The following PTPRJ variants were observed in gnomAD, a reference collection of about 807,000 sequenced individuals.
The protein encoded by PTPRJ is protein tyrosine phosphatase receptor type J, also known as receptor-type tyrosine-protein phosphatase eta.
Under a neutral mutation model 141.3 loss-of-function variants are expected in PTPRJ, and 129 were observed. The ratio of observed to expected loss-of-function variants is 0.91; its 90% confidence interval spans 0.79 to 1.06. The LOEUF (loss-of-function observed/expected upper bound fraction) is 1.06, where lower values mean the gene tolerates loss of function less well. Ranked by LOEUF, PTPRJ falls within the 50% of genes least tolerant of loss-of-function variation. PTPRJ has a pLI of 0.00. For synonymous variants in PTPRJ, 610 were observed against 640.5 expected, an observed-to-expected ratio of 0.95 and a Z score of 0.72; for missense variants, 1,601 against 1,679.7, an observed-to-expected ratio of 0.95 and a Z score of 0.82.
intron 1 of PTPRJ, among the ~76,000 whole-genome samples, chr11:48,049,285 G>A (rs1199918546): frequency 6.6e-6 from 1 of 152,072 alleles, no homozygotes; most frequent in Non-Finnish European, 1.5e-5. Context: ...TCCCCTGGGG[G>A]ACAAAATCTT....
chr11:48,069,664 G>A (rs1299556366), intron 1 of PTPRJ, among the ~76,000 whole-genome samples: 1 of 151,478 alleles, frequency 6.6e-6, no homozygotes, highest in Non-Finnish European at 1.5e-5. Flanking sequence ...TGTTAGCCAG[G>A]ATGGTCTTGA....
At chr11:48,117,681 A>G (rs1856605313) in intron 3 of PTPRJ, among the ~76,000 whole-genome samples, 1 of 152,090 alleles carries the variant, frequency 6.6e-6, no homozygotes, top group Non-Finnish European at 1.5e-5. Flanking sequence ...CTAGAAAAAT[A>G]AGAACAAACT....
At chr11:48,010,702 A>G (rs771938406) in intron 1 of PTPRJ, among the ~76,000 whole-genome samples, 94 of 145,012 alleles carry the variant, frequency 6.5e-4, no homozygotes, top group Non-Finnish European at 9.1e-4. Context: ...CGCCCAGGTA[A>G]TTTTTGTATT....
chr11:48,062,707 A>G lies in PTPRJ; in HGVS notation c.97-47351A>G, dbSNP rs183100162. On this transcript the variant is annotated intron_variant, in intron 1 of 24. Transcript: ENST00000418331. ...CAAGGAAGAGAGATCGAACAAGAAGACTGCTTTGCCCTTGGACAGCTTTGT... is the reference window on the plus strand; with the variant it reads ...CAAGGAAGAGAGATCGAACAAGAAGGCTGCTTTGCCCTTGGACAGCTTTGT... Among the ~76,000 whole-genome samples, 4 of 152,310 alleles carry G rather than the reference A, an allele frequency of 2.6e-5. No homozygotes were observed. The East Asian group carries it at 7.7e-4, about 29-fold the overall frequency.
At chr11:48,077,027 C>G (rs1423987949) in intron 1 of PTPRJ, among the ~76,000 whole-genome samples, 1 of 152,046 alleles carries the variant, frequency 6.6e-6, no homozygotes, top group African/African-American at 2.4e-5. Flanking sequence ...GCCACTATGC[C>G]CGGCTAATTT....
intron 1 of PTPRJ, among the ~76,000 whole-genome samples, chr11:48,108,428 G>A (rs191053759): frequency 2.6e-5 from 4 of 152,296 alleles, no homozygotes; most frequent in East Asian, 3.9e-4. Context: ...TCCTTCAGGC[G>A]GTCTGAGTCC....
chr11:48,042,080 G>T (rs1590430833), intron 1 of PTPRJ, among the ~76,000 whole-genome samples: 1 of 152,110 alleles, frequency 6.6e-6, no homozygotes, highest in African/African-American at 2.4e-5. Flanking sequence ...CTTGTTTATT[G>T]AATCAATAAA....
chr11:47,994,062 T>C (rs1854268001), intron 1 of PTPRJ, among the ~76,000 whole-genome samples: 1 of 151,832 alleles, frequency 6.6e-6, no homozygotes, highest in Non-Finnish European at 1.5e-5. Context: ...GGTTTCACCA[T>C]GTTTTCCAGG....
intron 1 of PTPRJ, among the ~76,000 whole-genome samples, chr11:48,035,100 G>A (rs1854085166): frequency 6.6e-6 from 1 of 152,164 alleles, no homozygotes; most frequent in East Asian, 1.9e-4. Context: ...TCCTTCCCTG[G>A]TGATTCACGG....
rs1857839237 is a variant in PTPRJ, at chr11:48,163,571, C to G, written c.3672C>G (p.Asp1224Glu). 1 of 1,613,924 alleles carries G rather than the reference C, an allele frequency of 6.2e-7. No individual in the cohort carries two copies. Among genetic ancestry groups the G allele is most frequent in the Non-Finnish European group, 8.5e-7 (1 of 1,179,874 alleles). ...LLINFRYLVR[D>E]YMKQSPPESP... Reference sequence around the variant, plus strand: ...TCAACTTCCGGTACCTCGTTCGTGACTACATGAAGCAGAGTCCTCCCGAAT... The same window carrying G: ...TCAACTTCCGGTACCTCGTTCGTGAGTACATGAAGCAGAGTCCTCCCGAAT... Residue 1224 changes from aspartate (D) to glutamate (E), a missense_variant, in exon 23 of 25, where the codon GAC (aspartate) becomes GAG (glutamate). Transcript: ENST00000418331.
At chr11:48,086,771 A>G (rs1484371628) in intron 1 of PTPRJ, among the ~76,000 whole-genome samples, 4 of 152,118 alleles carry the variant, frequency 2.6e-5, no homozygotes, top group African/African-American at 9.7e-5. Context: ...CTCTTCTATA[A>G]CTTCCGGGTG....
chr11:48,027,572 C>T (rs1040557532), intron 1 of PTPRJ, among the ~76,000 whole-genome samples: 9 of 151,862 alleles, frequency 5.9e-5, no homozygotes, highest in African/African-American at 2.2e-4. Flanking sequence ...AGGTGGATCA[C>T]CTGAGGTCAG....
chr11:48,100,422 G>C (rs376519802), intron 1 of PTPRJ, among the ~76,000 whole-genome samples: 1 of 152,096 alleles, frequency 6.6e-6, no homozygotes, highest in Non-Finnish European at 1.5e-5. Context: ...TGTGCCCCTC[G>C]TATGCTAAGT....
chr11:48,134,429 G>T (rs1857042297), intron 8 of PTPRJ, among the ~76,000 whole-genome samples: 1 of 152,066 alleles, frequency 6.6e-6, no homozygotes, highest in African/African-American at 2.4e-5. Context: ...GACAAAGGCT[G>T]CCTTTCATGG....
At chr11:48,015,785 C>G (rs1271358394) in intron 1 of PTPRJ, 2 of 136,260 alleles carry the variant, frequency 1.5e-5, no homozygotes, top group East Asian at 4.4e-4. Flanking sequence ...TGGTGGAGGT[C>G]GGAGGTTGCA....
chr11:48,121,346 C>A, intron 4 of PTPRJ, 80 bp downstream of exon 4: 1 of 1,452,316 alleles, frequency 6.9e-7, no homozygotes, highest in Non-Finnish European at 9.4e-7. Context: ...GTTCAAGTTG[C>A]CTGTTGGAAA....
intron 1 of PTPRJ, among the ~76,000 whole-genome samples, chr11:47,989,719 C>A (rs1854142345): frequency 6.6e-6 from 1 of 151,972 alleles, no homozygotes; most frequent in Admixed American, 6.6e-5. Context: ...ATTTGTATTG[C>A]AAACACATTC....
intron 15 of PTPRJ, among the ~76,000 whole-genome samples, chr11:48,147,509 C>G (rs1369097046): frequency 6.6e-6 from 1 of 152,204 alleles, no homozygotes; most frequent in East Asian, 1.9e-4. Context: ...TTTGAGTGCT[C>G]ACCGTGTGCC....
chr11:48,099,014 A>G (rs933967226), intron 1 of PTPRJ, among the ~76,000 whole-genome samples: 2 of 152,188 alleles, frequency 1.3e-5, no homozygotes, highest in Non-Finnish European at 2.9e-5. Context: ...ATTTCGCTTA[A>G]TTCTCTCAAG....
Sources: allele counts gnomAD v4.1 joint callset (sites outside exome capture counted in the v4.1 genomes callset), GRCh38; gene constraint gnomAD v4.1.1; transcripts MANE v1.5; gene names NCBI Gene and HGNC (gene_info 2026-07-23, HGNC 2026-07-21).